The following ZNF676 variants were observed in gnomAD, a reference collection of about 807,000 sequenced individuals.
The protein encoded by ZNF676 is zinc finger protein 676.
A neutral mutation model predicts 6.0 loss-of-function variants in ZNF676; 4 were observed. The observed-to-expected ratio is 0.67, with a 90% CI of 0.33 to 1.53. ZNF676 has a LOEUF of 1.53. Among genes scored for constraint, ZNF676 ranks in the 40% most tolerant of loss-of-function variants. ZNF676 has a pLI of 0.06. For missense variants in ZNF676, 644 were observed against 679.7 expected, an observed-to-expected ratio of 0.95 and a Z score of 0.58; for synonymous variants, 198 against 223.1, an observed-to-expected ratio of 0.89 and a Z score of 1.00.
chr19:22,187,186 C>G (rs774964281), intron 2 of ZNF676, among the ~76,000 whole-genome samples: 1 of 152,166 alleles, frequency 6.6e-6, no homozygotes, highest in Non-Finnish European at 1.5e-5. Flanking sequence ...GACCACAGTG[C>G]AATCAAATTA....
At chr19:22,197,015 C>T (rs1214148230), upstream of ZNF676, 5 of 309,554 alleles carry the variant, frequency 1.6e-5, no homozygotes, top group South Asian at 1.1e-4. Context: ...ATTTTGAGTG[C>T]TATATTTACA....
At chr19:22,218,924 A>T, upstream of ZNF676, among the ~76,000 whole-genome samples, 1 of 136,698 alleles carries the variant, frequency 7.3e-6, no homozygotes, top group Admixed American at 7.6e-5. Flanking sequence ...TGTGTTTTTG[A>T]TTTTGTTGTT....
rs752044501 is a variant in ZNF676, at chr19:22,180,397, C to T, written c.1320G>A (p.Lys440=). ...FSWSSSLTEH[K]RIHAGEKPYK... ...AGGGTTTCTCTCCAGCATGAATTCT[C>T]TTGTGTTCAGTAAGGCTTGAGGACC... The change falls in exon 3 of 3, where the codon AAG becomes AAA. Residue 440 remains lysine (K), a synonymous_variant. Coordinates refer to ENST00000397121, the MANE Select transcript of ZNF676 (RefSeq NM_001001411.3). 6.2e-7 allele frequency: 1 copy of T among 1,613,680 alleles called. No individual in the cohort carries two copies. The highest frequency in any genetic ancestry group is 8.5e-7 in the Non-Finnish European group (1 of 1,179,906).
At chr19:22,217,130 G>C (rs1021183696), upstream of ZNF676, among the ~76,000 whole-genome samples, 12 of 152,000 alleles carry the variant, frequency 7.9e-5, no homozygotes, top group Non-Finnish European at 1.5e-4. Flanking sequence ...CCAATGTGTA[G>C]TCTTTCATCC....
chr19:22,196,002 T>G (rs1224245744), intron 1 of ZNF676, among the ~76,000 whole-genome samples: 1 of 152,178 alleles, frequency 6.6e-6, no homozygotes, highest in African/African-American at 2.4e-5. Flanking sequence ...GGAGTAATGC[T>G]GTTCTGTCTC....
chr19:22,214,855 C>T (rs1029293199), intron 1 of ZNF676, among the ~76,000 whole-genome samples: 5 of 151,328 alleles, frequency 3.3e-5, no homozygotes, highest in African/African-American at 1.2e-4. Flanking sequence ...CTGACTAACA[C>T]GGTGAAACTC....
At chr19:22,230,990 G>C in the ZNF676 span, among the ~76,000 whole-genome samples, 1 of 151,686 alleles carries the variant, frequency 6.6e-6, no homozygotes, top group Non-Finnish European at 1.5e-5. Context: ...TTCTTGGATA[G>C]ATATTCACAT....
upstream of ZNF676, among the ~76,000 whole-genome samples, chr19:22,219,377 G>C (rs2024226123): frequency 6.6e-6 from 1 of 152,128 alleles, no homozygotes; most frequent in South Asian, 2.1e-4. Flanking sequence ...GGGATTACAG[G>C]CTTGAGCCAC....
chr19:22,221,847 T>TTGGG, the ZNF676 span, among the ~76,000 whole-genome samples: 1 of 152,172 alleles, frequency 6.6e-6, no homozygotes, highest in Non-Finnish European at 1.5e-5. Context: ...TCTGCAGTTG[T>TTGGG]TGGGTAGAAT....
chr19:22,209,103 A>G (rs2024104865), intron 1 of ZNF676, among the ~76,000 whole-genome samples: 1 of 152,072 alleles, frequency 6.6e-6, no homozygotes, highest in Non-Finnish European at 1.5e-5. Context: ...CATCTATACT[A>G]AAAATACAAA....
rs1395580362 is a variant in ZNF676, at chr19:22,185,594, G to A, written c.131-4008C>T. ...AATAACAAACTCCTCCAAGCTAAAG[G>A]AGCGTGTTCTAACCCAATGCCAGGA... On this transcript the variant is annotated intron_variant, in intron 2 of 2. Coordinates refer to ENST00000397121, the MANE Select transcript of ZNF676 (RefSeq NM_001001411.3). Among the ~76,000 whole-genome samples, 7 of 152,100 alleles carry A rather than the reference G, an allele frequency of 4.6e-5. No homozygotes were observed. The East Asian group carries it at 1.2e-3, about 25-fold the overall frequency.
At chr19:22,245,710 A>G in the ZNF676 span, among the ~76,000 whole-genome samples, 1 of 152,138 alleles carries the variant, frequency 6.6e-6, no homozygotes, top group Non-Finnish European at 1.5e-5. Flanking sequence ...CACATAACCA[A>G]AGTGATAAAG....
intron 1 of ZNF676, among the ~76,000 whole-genome samples, chr19:22,196,270 C>A (rs567006897): frequency 2.0e-5 from 3 of 152,160 alleles, no homozygotes; most frequent in East Asian, 3.9e-4. Context: ...GACAGTCACT[C>A]CCTGGTGCCA....
At chr19:22,182,593 A>AAAAACAAAAAAAAAAC (rs1555773389) in intron 2 of ZNF676, among the ~76,000 whole-genome samples, 6 of 90,948 alleles carry the variant, frequency 6.6e-5, no homozygotes, top group Non-Finnish European at 1.0e-4. Context: ...TCTAAAAAAA[A>AAAAACAAAAAAAAAAC]AAAAAAAAAG....
chr19:22,189,674 GA>G (rs955600502), intron 2 of ZNF676, among the ~76,000 whole-genome samples: 2 of 151,238 alleles, frequency 1.3e-5, no homozygotes, highest in East Asian at 1.9e-4. Context: ...AAATTTACAA[GA>G]AAAAAAACAA....
chr19:22,182,585 T>TAAAAAAA (rs67699215), intron 2 of ZNF676, among the ~76,000 whole-genome samples: 1 of 45,044 alleles, frequency 2.2e-5, no homozygotes, highest in African/African-American at 1.1e-4. Flanking sequence ...GTCAAAGTTC[T>TAAAAAAA]AAAAAAAAAA....
chr19:22,245,652 A>T, the ZNF676 span, among the ~76,000 whole-genome samples: 3 of 152,122 alleles, frequency 2.0e-5, no homozygotes, highest in Non-Finnish European at 4.4e-5. Flanking sequence ...AGGTTCGGTG[A>T]TATATCACAA....
At chr19:22,216,110 A>C (rs1229603337), upstream of ZNF676, among the ~76,000 whole-genome samples, 1 of 152,236 alleles carries the variant, frequency 6.6e-6, no homozygotes, top group East Asian at 1.9e-4. Flanking sequence ...GTACAAGAGT[A>C]AATCAATTTT....
intron 2 of ZNF676, among the ~76,000 whole-genome samples, chr19:22,188,147 CA>C (rs2023862992): frequency 1.3e-5 from 2 of 152,040 alleles, no homozygotes; most frequent in South Asian, 2.1e-4. Context: ...AGCAGCACAT[CA>C]AAAAGCTTAT....
Sources: gnomAD v4.1 joint callset for allele counts (sites outside exome capture counted in the v4.1 genomes callset) on GRCh38, gnomAD v4.1.1 for gene constraint, MANE v1.5 for transcripts, NCBI Gene and HGNC (gene_info 2026-07-23, HGNC 2026-07-21) for gene names.